The following IL2RB variants were observed in gnomAD, a reference collection of about 807,000 sequenced individuals.
IL2RB encodes interleukin 2 receptor subunit beta.
Under a neutral mutation model 44.2 loss-of-function variants are expected in IL2RB, and 17 were observed. The observed-to-expected ratio is 0.38, with a 90% CI of 0.26 to 0.58. The LOEUF (loss-of-function observed/expected upper bound fraction) is 0.58. Ranked by LOEUF, IL2RB falls within the 20% of genes least tolerant of loss-of-function variation. The pLI is 0.63. For synonymous variants in IL2RB, 286 were observed against 297.9 expected (o/e 0.96, Z 0.41); for missense variants, 624 against 685.5 (o/e 0.91, Z 1.00).
intron 1 of IL2RB, among the ~76,000 whole-genome samples, chr22:37,157,121 A>G (rs1251750162): frequency 7.0e-6 from 1 of 142,378 alleles, no homozygotes; most frequent in Non-Finnish European, 1.5e-5. Flanking sequence ...GGTACCCCTC[A>G]TGACAAATGA....
chr22:37,154,832 C>T (rs1274264522), upstream of IL2RB, among the ~76,000 whole-genome samples: 2 of 152,034 alleles, frequency 1.3e-5, no homozygotes, highest in Non-Finnish European at 2.9e-5. Flanking sequence ...CCTTGGCCTC[C>T]CTAAGTGCTG....
At position 37,141,885 on chromosome 22, in the gene IL2RB, C is replaced by T. The variant is rs1480666393; in HGVS notation, c.282+549G>A. Among the ~76,000 whole-genome samples, 2 of 152,154 alleles carry T rather than the reference C, an allele frequency of 1.3e-5. No individual in the cohort carries two copies. Among genetic ancestry groups the T allele is most frequent in the African/African-American group, 2.4e-5 (1 of 41,444 alleles). The stretch of plus-strand genomic sequence containing the variant: ...TCCCTGGTGAGGTCCCACCTTCAGG[C>T]TGGGGAGGGCCTGAAAAACAAGGCC... On this transcript the variant is annotated intron_variant, in intron 4 of 9. Transcript: ENST00000216223. This position sits in a 1 kb window ranked among gnomAD's most constrained non-coding sequence, Gnocchi z 4.4.
At chr22:37,165,703 TTTA>T (rs1923049796) in intron 1 of IL2RB, among the ~76,000 whole-genome samples, 1 of 151,036 alleles carries the variant, frequency 6.6e-6, no homozygotes, top group Non-Finnish European at 1.5e-5. Context: ...TTTAATTTAA[TTTA>T]ATTTTATTAT....
chr22:37,150,948 A>G (rs1283557241), upstream of IL2RB, among the ~76,000 whole-genome samples: 1 of 152,212 alleles, frequency 6.6e-6, no homozygotes, highest in Non-Finnish European at 1.5e-5. Flanking sequence ...GCATATATGT[A>G]CCACATTTTC....
intron 2 of IL2RB, 120 bp downstream of exon 2, chr22:37,143,965 G>A (rs1225097965): frequency 1.5e-6 from 2 of 1,357,924 alleles, no homozygotes; most frequent in Non-Finnish European, 2.1e-6. Context: ...AGGACAGAGG[G>A]TGAGGCAGGA....
chr22:37,138,765 G>A, intron 5 of IL2RB, among the ~76,000 whole-genome samples: 1 of 152,246 alleles, frequency 6.6e-6, no homozygotes, highest in Non-Finnish European at 1.5e-5. Flanking sequence ...CGAAACGTGA[G>A]TGGGAATTTT....
chr22:37,163,898 C>T (rs1185775007), intron 1 of IL2RB, among the ~76,000 whole-genome samples: 1 of 152,258 alleles, frequency 6.6e-6, no homozygotes, highest in Non-Finnish European at 1.5e-5. Context: ...GCTCATTCCT[C>T]AGTGCGTGGA....
At position 37,170,659 on chromosome 22, in the gene IL2RB, A is replaced by G. The variant is rs558809929; in HGVS notation, c.-34+4299T>C. ...GGTGCCACATTTGGGGTTCTCCACC[A>G]CGCAGTCACTGCTTGACGTGGCTCA... On this transcript the variant is annotated intron_variant, in intron 1 of 5. Transcript: ENST00000429622. Among the ~76,000 whole-genome samples the G allele has an allele frequency of 1.9e-4, 29 of 152,278 alleles. 1 individual carries two copies. Among genetic ancestry groups the G allele is most frequent in the South Asian group, 6.2e-4 (3 of 4,824 alleles).
In IL2RB at chr22:37,144,139, G is replaced by T; in HGVS notation, c.34C>A (p.Leu12Ile). The T allele has an allele frequency of 6.4e-7, 1 of 1,552,224 alleles. No individual in the cohort carries two copies. Among genetic ancestry groups the T allele is most frequent in the South Asian group, 1.2e-5 (1 of 84,086 alleles). ...GCCAGGGGCAGGAGGAGGATGAGGA[G>T]GGGCAGACGCCAGGACAGAGCAGGG... ...AAPALSWRLP[L>I]LILLLPLATS... Residue 12 changes from leucine (L) to isoleucine (I), a missense_variant, in exon 2 of 10, where the codon CTC becomes ATC. By Grantham distance (5) the Leu-to-Ile change is conservative (BLOSUM62 2). Around this residue, in one of 3 missense-constraint regions of IL2RB, gnomAD observed 78 missense variants for 70.0 expected, o/e 1.11. Transcript: ENST00000216223.
upstream of IL2RB, among the ~76,000 whole-genome samples, chr22:37,151,848 T>C (rs1005436818): frequency 1.3e-5 from 2 of 152,230 alleles, no homozygotes; most frequent in African/African-American, 4.8e-5. Flanking sequence ...TTTTTGGCAA[T>C]TTTGTTGAAA....
chr22:37,144,739 G>A (rs1176957399), intron 1 of IL2RB, among the ~76,000 whole-genome samples: 1 of 151,990 alleles, frequency 6.6e-6, no homozygotes, highest in Non-Finnish European at 1.5e-5. Flanking sequence ...GTAAGACTCT[G>A]TCTCAAAGAA....
At position 37,136,402 on chromosome 22, in the gene IL2RB, G is replaced by C; in HGVS notation, c.538-9C>G. On this transcript the variant is annotated splice_polypyrimidine_tract_variant and intron_variant, in intron 6 of 9. Coordinates refer to ENST00000216223, the MANE Select transcript of IL2RB (RefSeq NM_000878.5). ...GTCAGCAGGGGGGCCTCCTGGGTCG[G>C]AGACAGGACTGTCAGCGCCCACCTC... 1.2e-6 allele frequency: 2 copies of C among 1,603,702 alleles called. No individual in the cohort carries two copies. The highest frequency in any genetic ancestry group is 1.7e-6 in the Non-Finnish European group (2 of 1,175,802).
At chr22:37,171,690 C>A (rs769632971) in intron 1 of IL2RB, among the ~76,000 whole-genome samples, 1 of 152,166 alleles carries the variant, frequency 6.6e-6, no homozygotes, top group Non-Finnish European at 1.5e-5. Context: ...CACATGATTC[C>A]CAATGCATGC....
intron 8 of IL2RB, 133 bp downstream of exon 8, chr22:37,135,195 C>A: frequency 1.5e-6 from 1 of 651,644 alleles, no homozygotes; most frequent in South Asian, 1.8e-5. Context: ...TCTGACCTGG[C>A]AAGGTGGCAT....
chr22:37,135,651 C>T (rs931801326), intron 7 of IL2RB, among the ~76,000 whole-genome samples: 1 of 152,198 alleles, frequency 6.6e-6, no homozygotes, highest in Middle Eastern at 3.2e-3. Context: ...AAGAGCTCCT[C>T]CAGCTCCAGA....
chr22:37,173,304 T>C (rs1011159341), intron 1 of IL2RB, among the ~76,000 whole-genome samples: 4 of 152,080 alleles, frequency 2.6e-5, no homozygotes, highest in African/African-American at 9.7e-5. Context: ...AATGTCTCTC[T>C]CCCCTATTAG....
intron 9 of IL2RB, among the ~76,000 whole-genome samples, chr22:37,131,033 G>C (rs537947820): frequency 4.1e-4 from 62 of 152,324 alleles, no homozygotes; most frequent in African/African-American, 1.5e-3. Flanking sequence ...CAAGTGTGGT[G>C]GTGTGTGCTT....
chr22:37,159,522 C>T (rs1922788890), intron 1 of IL2RB, among the ~76,000 whole-genome samples: 1 of 152,160 alleles, frequency 6.6e-6, no homozygotes, highest in Admixed American at 6.5e-5. Flanking sequence ...ATCTGGGTAT[C>T]ACCTGGCCCT....
chr22:37,146,820 A>G (rs3218347), intron 1 of IL2RB, among the ~76,000 whole-genome samples: 2 of 152,298 alleles, frequency 1.3e-5, no homozygotes, highest in East Asian at 1.9e-4. Flanking sequence ...TACGGCAAAA[A>G]AAAAAAAGCA....
Sources: gnomAD v4.1 joint callset for allele counts (sites outside exome capture counted in the v4.1 genomes callset) on GRCh38, gnomAD v4.1.1 for gene constraint, gnomAD v4.1.1 regional missense constraint, Gnocchi (gnomAD v3.1) non-coding constraint, MANE v1.5 for transcripts, NCBI Gene and HGNC (gene_info 2026-07-23, HGNC 2026-07-21) for gene names.